The following CTDP1 variants were observed in gnomAD, a reference collection of about 807,000 sequenced individuals.
The protein encoded by CTDP1 is CTD phosphatase 1.
A neutral mutation model predicts 91.8 loss-of-function variants in CTDP1; 47 were observed. The ratio of observed to expected loss-of-function variants is 0.51; its 90% confidence interval spans 0.41 to 0.65. CTDP1 has a LOEUF of 0.65. Among genes scored for constraint, CTDP1 ranks in the 30% least tolerant of loss-of-function variants. The pLI, the probability that CTDP1 is intolerant of heterozygous loss-of-function variation, is 0.00. For synonymous variants in CTDP1, 656 were observed against 598.5 expected (o/e 1.10, Z -1.40); for missense variants, 1,272 against 1,373.7 (o/e 0.93, Z 1.17).
At chr18:79,717,767 C>T (rs2064480865) in intron 9 of CTDP1, 43 bp from the exon 10 acceptor site, 1 of 1,613,584 alleles carries the variant, frequency 6.2e-7, no homozygotes, top group Admixed American at 1.7e-5. Flanking sequence ...CCCCTCATCA[C>T]CCGGACGCCC....
Position 79,717,795 on chromosome 18 carries a change from C to T in CTDP1, c.2211-15C>T. On this transcript the variant is annotated splice_polypyrimidine_tract_variant and intron_variant, in intron 9 of 12. Transcript: ENST00000613122. ...GGACGCCCCGCTCATGGCCCTCGTT[C>T]TCTTCCTCCGACAGGGAGAACAGCC... is the stretch of plus-strand genomic sequence containing the variant. 6.2e-7 allele frequency: 1 copy of T among 1,613,814 alleles called. No homozygotes were observed. Among genetic ancestry groups the T allele is most frequent in the Non-Finnish European group, 8.5e-7 (1 of 1,179,990 alleles).
At chr18:79,733,523 C>T (rs1275550139) in intron 11 of CTDP1, among the ~76,000 whole-genome samples, 23 of 152,094 alleles carry the variant, frequency 1.5e-4, no homozygotes, top group African/African-American at 5.3e-4. Context: ...TCTGCAGCTG[C>T]GTTACCTCGT....
chr18:79,688,320 A>G (rs532805215), intron 1 of CTDP1, among the ~76,000 whole-genome samples: 3 of 152,376 alleles, frequency 2.0e-5, no homozygotes, highest in African/African-American at 7.2e-5. Context: ...GCTGGAGTGC[A>G]GCGGTGCAAT....
In CTDP1 at chr18:79,679,952, A is replaced by G; in HGVS notation, c.5A>G (p.Glu2Gly). M[E>G]VPAAGRVPAE... ...CCCGCCCGCCCTCTGTCCGCGATGG[A>G]GGTGCCGGCCGCGGGTCGCGTTCCT... The change falls in exon 1 of 13, where the codon GAG (glutamate) becomes GGG (glycine). Residue 2 changes from glutamate (E) to glycine (G), a missense_variant. Physicochemically the swap from Glu to Gly is moderately conservative, Grantham distance 98. Transcript: ENST00000613122. 1.4e-6 allele frequency: 2 copies of G among 1,380,814 alleles called. No individual in the cohort carries two copies. The highest frequency in any genetic ancestry group is 9.4e-7 in the Non-Finnish European group (1 of 1,062,338). The allele number at this position is 1,380,814 out of a possible 1,614,324, so 85.5% of individuals were successfully genotyped here.
Position 79,704,932 on chromosome 18 carries a change from A to C in CTDP1, c.772+15A>C, listed in dbSNP as rs375186274. 1.9e-6 allele frequency: 3 copies of C among 1,612,830 alleles called. No homozygotes were observed. The highest frequency in any genetic ancestry group is 3.3e-5 in the Admixed American group (2 of 60,030). On this transcript the variant is annotated intron_variant, in intron 5 of 12. Coordinates refer to ENST00000613122, the MANE Select transcript of CTDP1 (RefSeq NM_004715.5). ...CACCATCGCAGGTCAGTCAAGCCGCAGCCGAAGAGGCCGTGTGAACAGTGG... is the reference window on the plus strand; with the variant it reads ...CACCATCGCAGGTCAGTCAAGCCGCCGCCGAAGAGGCCGTGTGAACAGTGG...
intron 11 of CTDP1, among the ~76,000 whole-genome samples, chr18:79,730,912 G>T (rs550302606): frequency 5.3e-5 from 8 of 152,230 alleles, no homozygotes; most frequent in Non-Finnish European, 1.0e-4. Context: ...GAGCCGTGGC[G>T]CCTGGTTATT....
In CTDP1 at chr18:79,719,543, C is replaced by G. The variant is rs527693817; in HGVS notation, c.2417+1527C>G. 1.1e-3 allele frequency among the ~76,000 whole-genome samples: 165 copies of G among 151,978 alleles called. 1 individual carries two copies. Among genetic ancestry groups the G allele is most frequent in the African/African-American group, 3.6e-3 (150 of 41,442 alleles). Reference sequence around the variant, plus strand: ...CACCTCCCGTTGTTAGGAAGGCATCCTGGTGATGTCACCTCCAGTTGTTAG... The same window carrying G: ...CACCTCCCGTTGTTAGGAAGGCATCGTGGTGATGTCACCTCCAGTTGTTAG... On this transcript the variant is annotated intron_variant, in intron 10 of 12. Coordinates refer to ENST00000613122, the MANE Select transcript of CTDP1 (RefSeq NM_004715.5).
Position 79,679,898 on chromosome 18 carries a change from T to C in CTDP1, c.-50T>C. On this transcript the variant is annotated 5_prime_UTR_variant, in exon 1 of 13. Coordinates refer to ENST00000613122, the MANE Select transcript of CTDP1 (RefSeq NM_004715.5). ...TGTCGCCGCGGTAGGCGCTGCGCTC[T>C]GAGCGCAGCGCAGGCCCCGTACCGA... 1 of 1,303,838 alleles carries C rather than the reference T, an allele frequency of 7.7e-7. No individual in the cohort carries two copies. The highest frequency in any genetic ancestry group is 9.8e-7 in the Non-Finnish European group (1 of 1,016,788). The allele number at this position is 1,303,838 out of a possible 1,614,324, so 80.8% of individuals were successfully genotyped here. A position where few individuals can be genotyped will look rare whatever the true frequency, so the allele number is the denominator to read the frequency against.
At chr18:79,756,617 A>C (rs2087095970), downstream of CTDP1, 1 of 152,266 alleles carries the variant, frequency 6.6e-6, no homozygotes. Flanking sequence ...TCTTAAGAAG[A>C]AACTTGAACT....
At position 79,704,777 on chromosome 18, in the gene CTDP1, A is replaced by T. The variant is rs2085932828; in HGVS notation, c.632A>T (p.His211Leu). The T allele has an allele frequency of 6.2e-7, 1 of 1,613,566 alleles. No individual in the cohort carries two copies. The change falls in exon 5 of 13, where the codon CAC becomes CTC. Residue 211 changes from histidine (H) to leucine (L), a missense_variant. Physicochemically the swap from His to Leu is moderately conservative, Grantham distance 99. This residue lies in a region of CTDP1 where 177 missense variants were observed against 283.0 expected (regional missense o/e 0.63). Transcript: ENST00000613122. ...CQQMSNKGIF[H>L]FQLGRGEPML... Reference sequence around the variant, plus strand: ...TACTATTCTTTTTAGGGCATCTTTCACTTCCAGCTGGGCCGGGGTGAGCCC... The same window carrying T: ...TACTATTCTTTTTAGGGCATCTTTCTCTTCCAGCTGGGCCGGGGTGAGCCC...
chr18:79,688,792 A>T (rs982912003), intron 1 of CTDP1, among the ~76,000 whole-genome samples: 3 of 151,440 alleles, frequency 2.0e-5, no homozygotes, highest in Non-Finnish European at 2.9e-5. Context: ...ATCCTGCCTC[A>T]GCCTCGCTAA....
chr18:79,680,270 G>A lies in CTDP1; in HGVS notation c.314+9G>A. On this transcript the variant is annotated intron_variant, in intron 1 of 12. Coordinates refer to ENST00000613122, the MANE Select transcript of CTDP1 (RefSeq NM_004715.5). Reference sequence around the variant, plus strand: ...CAGGTGGTCGCCCCAGGGTGAGTGTGCTGAGCCGGGCGGGGCCGAGGGCGG... The same window carrying A: ...CAGGTGGTCGCCCCAGGGTGAGTGTACTGAGCCGGGCGGGGCCGAGGGCGG... 2.4e-6 allele frequency: 3 copies of A among 1,264,100 alleles called. No homozygotes were observed. Among genetic ancestry groups the A allele is most frequent in the Non-Finnish European group, 3.0e-6 (3 of 1,006,834 alleles). 78.3% of individuals were successfully genotyped at this position (1,264,100 alleles called of 1,614,324 possible). A position where few individuals can be genotyped will look rare whatever the true frequency, so the allele number is the denominator to read the frequency against.
intron 10 of CTDP1, among the ~76,000 whole-genome samples, chr18:79,721,938 C>G (rs1388501055): frequency 6.6e-6 from 1 of 152,004 alleles, no homozygotes; most frequent in African/African-American, 2.4e-5. Flanking sequence ...ATTCTCATGC[C>G]TCAGCCTCTT....
chr18:79,751,827 A>G (rs964587250), intron 12 of CTDP1, among the ~76,000 whole-genome samples: 1 of 152,182 alleles, frequency 6.6e-6, no homozygotes, highest in African/African-American at 2.4e-5. Context: ...TGTGTATGTT[A>G]GCTACATTGT....
Position 79,713,179 on chromosome 18 carries a change from T to G in CTDP1, c.1030+41T>G. On this transcript the variant is annotated intron_variant, in intron 7 of 12. Transcript: ENST00000613122. The surrounding 1 kb of genome is among the most constrained non-coding windows in gnomAD (Gnocchi z 4.7). ...CCTGATTCTCTAGAAGAATTCACAT[T>G]TGCTTATTGTTTAGCTCTTCTTATT... 1 of 1,587,412 alleles carries G rather than the reference T, an allele frequency of 6.3e-7. No individual in the cohort carries two copies. The highest frequency in any genetic ancestry group is 1.3e-5 in the African/African-American group (1 of 74,294).
chr18:79,721,614 G>T (rs979659413), intron 10 of CTDP1, among the ~76,000 whole-genome samples: 2 of 152,114 alleles, frequency 1.3e-5, no homozygotes, highest in African/African-American at 4.8e-5. Context: ...AAATATCCAG[G>T]GGGGTGGCTC....
At chr18:79,743,990 A>G (rs1599315511) in intron 12 of CTDP1, among the ~76,000 whole-genome samples, 3 of 152,114 alleles carry the variant, frequency 2.0e-5, no homozygotes, top group Non-Finnish European at 2.9e-5. Flanking sequence ...GATGCAGCTC[A>G]GGGCAAACCC....
At chr18:79,710,483 C>T in intron 6 of CTDP1, 47 bp downstream of exon 6, 1 of 1,386,010 alleles carries the variant, frequency 7.2e-7, no homozygotes, top group Non-Finnish European at 1.0e-6. Context: ...TGTTCATTTC[C>T]CATTTCAAAA....
intron 6 of CTDP1, 53 bp downstream of exon 6, chr18:79,710,489 CA>C: frequency 7.6e-7 from 1 of 1,309,810 alleles, no homozygotes; most frequent in Non-Finnish European, 1.1e-6. Flanking sequence ...TTTCCCATTT[CA>C]AAAATCGCAT....
Sources: allele counts gnomAD v4.1 joint callset (sites outside exome capture counted in the v4.1 genomes callset), GRCh38; gene constraint gnomAD v4.1.1; regional missense constraint gnomAD v4.1.1; non-coding constraint Gnocchi (gnomAD v3.1); transcripts MANE v1.5; gene names NCBI Gene and HGNC (gene_info 2026-07-23, HGNC 2026-07-21).